DNAH17: variants seen among roughly 807,000 people sequenced by gnomAD.
The protein encoded by DNAH17 is axonemal beta dynein heavy chain 17.
DNAH17 carries 376 observed loss-of-function variants against 485.6 expected under a neutral mutation model. That is an observed-to-expected ratio of 0.77 (90% CI 0.71 to 0.84). The LOEUF is 0.84. DNAH17 is among the 40% of genes least tolerant of loss of function. DNAH17 has a pLI of 0.00. For missense variants in DNAH17, 6,370 were observed against 5,839.3 expected (o/e 1.09, Z -2.96); for synonymous variants, 3,031 against 2,405.9 (o/e 1.26, Z -7.60).
At chr17:78,466,879 A>C (rs1598502092) in intron 55 of DNAH17, 63 bp from the exon 56 acceptor site, 3 of 1,426,722 alleles carry the variant, frequency 2.1e-6, no homozygotes, top group Non-Finnish European at 2.8e-6. Context: ...CTAATCCATC[A>C]CTCTGCAGAA....
rs765950730 is a variant in DNAH17, at chr17:78,567,166, C to T, written c.1285G>A (p.Glu429Lys). 5 of 1,594,686 alleles carry T rather than the reference C, an allele frequency of 3.1e-6. No individual in the cohort carries two copies. Among genetic ancestry groups the T allele is most frequent in the African/African-American group, 2.7e-5 (2 of 74,438 alleles). Reference sequence around the variant, plus strand: ...AACTCAATTGCTGTTTTATAGAGTTCCTAGTGGAGGAGAAAAACACAGTCA... The same window carrying T: ...AACTCAATTGCTGTTTTATAGAGTTTCTAGTGGAGGAGAAAAACACAGTCA... ...SFFQRIQTIE[E>K]LYKTAIEFLK... The change falls in exon 10 of 81, where the codon GAA (glutamate) becomes AAA (lysine). Residue 429 changes from glutamate (E) to lysine (K), a missense_variant and splice_region_variant. Transcript: ENST00000389840.
At chr17:78,460,760 C>A (rs1438213615) in intron 58 of DNAH17, among the ~76,000 whole-genome samples, 1 of 152,170 alleles carries the variant, frequency 6.6e-6, no homozygotes, top group African/African-American at 2.4e-5. Flanking sequence ...CTGAGACCGC[C>A]TTGACTTTGC....
chr17:78,438,126 G>T (rs919621129), intron 73 of DNAH17, among the ~76,000 whole-genome samples: 1 of 151,846 alleles, frequency 6.6e-6, no homozygotes, highest in Non-Finnish European at 1.5e-5. Context: ...CCAGCCTTAC[G>T]GTGAGTCCTT....
chr17:78,539,033 C>T (rs1050433212), intron 18 of DNAH17, among the ~76,000 whole-genome samples: 2 of 152,092 alleles, frequency 1.3e-5, no homozygotes, highest in Admixed American at 6.6e-5. Context: ...GAATTCAAGA[C>T]CAGCCTGGCT....
intron 25 of DNAH17, 113 bp downstream of exon 25, chr17:78,524,896 C>A (rs1027659144): frequency 2.1e-6 from 3 of 1,444,870 alleles, no homozygotes; most frequent in South Asian, 1.4e-5. Context: ...ACACCAGAAA[C>A]CTTCTTGTCA....
At chr17:78,514,076 G>C (rs866520968) in intron 26 of DNAH17, among the ~76,000 whole-genome samples, 91 of 152,250 alleles carry the variant, frequency 6.0e-4, no homozygotes, top group African/African-American at 2.0e-3. Context: ...AGTTCCTGGG[G>C]TCATGAGGAC....
At chr17:78,454,201 C>A (rs1472711847) in intron 64 of DNAH17, among the ~76,000 whole-genome samples, 1 of 152,226 alleles carries the variant, frequency 6.6e-6, no homozygotes, top group Non-Finnish European at 1.5e-5. Flanking sequence ...TCCCAGCCAG[C>A]AAATGGCCAA....
rs148777191 is a variant in DNAH17 at position 78,509,581 on chromosome 17, A to T, written c.4236+803T>A. Reference sequence around the variant, plus strand: ...TCAAAATGTGACAATTCAAACTCACAAAACAGGCTGAGGAGAGAGATTTGA... The same window carrying T: ...TCAAAATGTGACAATTCAAACTCACTAAACAGGCTGAGGAGAGAGATTTGA... On this transcript the variant is annotated intron_variant, in intron 27 of 80. Transcript: ENST00000389840. Among the ~76,000 whole-genome samples the T allele has an allele frequency of 1.9e-3, 286 of 152,310 alleles. 3 individuals are homozygous for T. The highest frequency in any genetic ancestry group is 6.7e-3 in the African/African-American group (278 of 41,558).
chr17:78,462,098 G>A (rs1442196386), intron 57 of DNAH17, among the ~76,000 whole-genome samples: 1 of 152,094 alleles, frequency 6.6e-6, no homozygotes, highest in African/African-American at 2.4e-5. Context: ...CTTGAGCCCA[G>A]GAAGTCCAGG....
intron 47 of DNAH17, 69 bp downstream of exon 47, chr17:78,485,481 G>C: frequency 6.9e-7 from 1 of 1,447,328 alleles, no homozygotes. Context: ...TGCAGTGAGA[G>C]GGGACAGGAG....
chr17:78,561,677 A>G (rs752859520), intron 12 of DNAH17, 38 bp downstream of exon 12: 1 of 1,564,910 alleles, frequency 6.4e-7, no homozygotes, highest in Admixed American at 1.8e-5. Context: ...CGCACCATGG[A>G]GGCGGGGTGC....
At chr17:78,554,587 TTAAA>T (rs1356507690) in intron 14 of DNAH17, among the ~76,000 whole-genome samples, 2 of 152,166 alleles carry the variant, frequency 1.3e-5, no homozygotes, top group African/African-American at 4.8e-5. Context: ...CATGATTCCC[TTAAA>T]TAATAAGCAC....
In DNAH17 at chr17:78,502,869, C is replaced by T. The variant is rs766440432; in HGVS notation, c.5082+17G>A. 1.2e-6 allele frequency: 2 copies of T among 1,610,128 alleles called. No individual in the cohort carries two copies. Among genetic ancestry groups the T allele is most frequent in the African/African-American group, 1.3e-5 (1 of 74,882 alleles). On this transcript the variant is annotated intron_variant, in intron 32 of 80. Transcript: ENST00000389840. ...TCTCAGCCACGAGGCGCCGCCGAGC[C>T]CCCACCCGCCTCAGACCTGGGCTGG...
intron 42 of DNAH17, 44 bp from the exon 43 acceptor site, chr17:78,491,614 C>T: frequency 6.3e-7 from 1 of 1,596,738 alleles, no homozygotes; most frequent in Non-Finnish European, 8.5e-7. Flanking sequence ...TCACTCCGGC[C>T]CCATTCCAGT....
At chr17:78,426,731 G>A (rs1226177029) in intron 78 of DNAH17, 131 bp from the exon 79 acceptor site, 4 of 1,372,552 alleles carry the variant, frequency 2.9e-6, no homozygotes, top group African/African-American at 2.9e-5. Context: ...CTGCATCAGG[G>A]CCACGCAAGC....
At chr17:78,485,506 C>T (rs780236923) in intron 47 of DNAH17, 44 bp downstream of exon 47, 27 of 1,521,864 alleles carry the variant, frequency 1.8e-5, no homozygotes, top group East Asian at 2.4e-5. Context: ...CGGGGACTGG[C>T]GGGGGGCAGC....
In DNAH17 at chr17:78,500,302, T is replaced by C. The variant is rs1459725200; in HGVS notation, c.5640+3A>G. ...GTCCCTCCTCCGGACCCCGGCCGCG[T>C]ACCTTGTAGTCCATCTGCTCGGAGC... On this transcript the variant is annotated splice_donor_region_variant and intron_variant, in intron 36 of 80. Coordinates refer to ENST00000389840, the MANE Select transcript of DNAH17 (RefSeq NM_173628.4). The C allele has an allele frequency of 6.2e-7, 1 of 1,610,118 alleles. No individual in the cohort carries two copies. The highest frequency in any genetic ancestry group is 1.3e-5 in the African/African-American group (1 of 74,842).
At chr17:78,572,544 C>T (rs983471648) in intron 3 of DNAH17, among the ~76,000 whole-genome samples, 157 bp downstream of exon 3, 30 of 151,786 alleles carry the variant, frequency 2.0e-4, no homozygotes, top group Admixed American at 5.2e-4. Flanking sequence ...CACCACCTAA[C>T]GCACCACCTT....
chr17:78,574,593 C>T lies in DNAH17; in HGVS notation c.345+120G>A, dbSNP rs926736354. The T allele has an allele frequency of 3.5e-6, 3 of 848,476 alleles. No individual in the cohort carries two copies. The African/African-American group carries it at 5.1e-5, about 14-fold the overall frequency. The allele number at this position is 848,476 out of a possible 1,614,324, so 52.6% of individuals were successfully genotyped here. On this transcript the variant is annotated intron_variant, in intron 2 of 80. Transcript: ENST00000389840. ...GGCCCGAGCGCCTGCATTTCCAATC[C>T]CTCCCCGGCTCTGCAGCTGCTGCTG...
Sources: allele counts gnomAD v4.1 joint callset (sites outside exome capture counted in the v4.1 genomes callset), GRCh38; gene constraint gnomAD v4.1.1; transcripts MANE v1.5; gene names NCBI Gene and HGNC (gene_info 2026-07-23, HGNC 2026-07-21).